PLA2G4C: variants seen among roughly 807,000 people sequenced by gnomAD.
PLA2G4C encodes cytosolic phospholipase A2 gamma.
Under a neutral mutation model 73.8 loss-of-function variants are expected in PLA2G4C, and 64 were observed. That is an observed-to-expected ratio of 0.87 (90% CI 0.71 to 1.07). PLA2G4C has a LOEUF of 1.07. PLA2G4C is among the 50% of genes least tolerant of loss of function. The probability of loss-of-function intolerance (pLI) is 0.00; values close to 1 mark genes in which losing one functional copy is unlikely to be tolerated. For missense variants in PLA2G4C, 622 were observed against 665.4 expected (o/e 0.93, Z 0.72); for synonymous variants, 254 against 252.1 (o/e 1.01, Z -0.07).
chr19:48,098,618 C>A (rs750970109), intron 5 of PLA2G4C, among the ~76,000 whole-genome samples: 6 of 147,352 alleles, frequency 4.1e-5, no homozygotes, highest in Non-Finnish European at 8.9e-5. Context: ...GTGGCTCATA[C>A]CCATAATCCC....
chr19:48,106,228 G>A (rs2032231294), intron 2 of PLA2G4C, among the ~76,000 whole-genome samples: 1 of 151,224 alleles, frequency 6.6e-6, no homozygotes, highest in African/African-American at 2.4e-5. Context: ...GACTACAGGT[G>A]TGTACCACTA....
intron 16 of PLA2G4C, among the ~76,000 whole-genome samples, chr19:48,050,211 T>TGG (rs1568418265): frequency 7.2e-5 from 11 of 151,938 alleles, no homozygotes; most frequent in Non-Finnish European, 1.0e-4. Flanking sequence ...TGAACCACCA[T>TGG]GCCCGGCCTC....
At chr19:48,062,295 T>G (rs1424691111) in intron 13 of PLA2G4C, 143 bp from the exon 14 acceptor site, 28 of 633,496 alleles carry the variant, frequency 4.4e-5, no homozygotes, top group South Asian at 3.3e-4. Context: ...GGAGCTGACT[T>G]CTCTCTCTTC....
At chr19:48,091,909 AT>A (rs59457422) in intron 7 of PLA2G4C, among the ~76,000 whole-genome samples, 8,426 of 63,068 alleles carry the variant, frequency 0.13, 1,771 homozygotes, top group East Asian at 0.27. Context: ...AAAAAAAAAA[AT>A]AGACACACCC....
At chr19:48,066,970 C>CACAT (rs1968451377) in intron 13 of PLA2G4C, among the ~76,000 whole-genome samples, 1 of 151,650 alleles carries the variant, frequency 6.6e-6, no homozygotes, top group African/African-American at 2.4e-5. Flanking sequence ...CACACACACA[C>CACAT]ACACACACAC....
chr19:48,057,783 C>G (rs895549819), intron 14 of PLA2G4C, among the ~76,000 whole-genome samples: 35 of 151,152 alleles, frequency 2.3e-4, no homozygotes, highest in Non-Finnish European at 4.9e-4. Context: ...AGCCACCGCA[C>G]CCGGCTTCTT....
At chr19:48,084,467 C>A (rs1434126943) in intron 10 of PLA2G4C, among the ~76,000 whole-genome samples, 2 of 152,168 alleles carry the variant, frequency 1.3e-5, no homozygotes, top group African/African-American at 4.8e-5. Flanking sequence ...CACAAGGTCT[C>A]CTTGTCTGTT....
chr19:48,078,445 T>G (rs2030314676), intron 10 of PLA2G4C, among the ~76,000 whole-genome samples: 1 of 152,170 alleles, frequency 6.6e-6, no homozygotes, highest in Admixed American at 6.6e-5. Context: ...TCACTGATGA[T>G]ATGATTGTAC....
intron 7 of PLA2G4C, 53 bp downstream of exon 7, chr19:48,095,411 G>T (rs541816387): frequency 6.4e-7 from 1 of 1,562,170 alleles, no homozygotes; most frequent in African/African-American, 1.4e-5. Context: ...GAAAATTCTT[G>T]CCTCTCCTCC....
In PLA2G4C at chr19:48,048,360, T is replaced by C; in HGVS notation, c.1609A>G (p.Ser537Gly). Residue 537 changes from serine (S) to glycine (G), a missense_variant, in exon 17 of 17, where the codon AGT becomes GGT. By Grantham distance (56) the Ser-to-Gly change is moderately conservative. Coordinates refer to ENST00000599921, the MANE Select transcript of PLA2G4C (RefSeq NM_003706.3). The stretch of plus-strand genomic sequence containing the variant: ...AGGCTCATCTATGCCAAGCAGCAAC[T>C]TCGGGCACTATCCTTCGGGTAGTAG... ...GLYYPKDSARSCCLA is the reference protein window; with the variant it reads ...GLYYPKDSARGCCLA The C allele has an allele frequency of 6.3e-7, 1 of 1,598,170 alleles. No homozygotes were observed. Among genetic ancestry groups the C allele is most frequent in the South Asian group, 1.1e-5 (1 of 88,120 alleles).
At position 48,100,584 on chromosome 19, in the gene PLA2G4C, G is replaced by A. The variant is rs1396155412; in HGVS notation, c.258-724C>T. 5.7e-3 allele frequency among the ~76,000 whole-genome samples: 565 copies of A among 99,154 alleles called. No homozygotes were observed. The Middle Eastern group carries it at 0.073, about 13-fold the overall frequency. 65.0% of individuals were successfully genotyped at this position (99,154 alleles called of 152,430 possible). A position where few individuals can be genotyped will look rare whatever the true frequency, so the allele number is the denominator to read the frequency against. The stretch of plus-strand genomic sequence containing the variant: ...TGTGCCACTGCACTCCAGCCTGGGC[G>A]ACAGAGCGTGACTCCATCTAAAAAA... On this transcript the variant is annotated intron_variant, in intron 4 of 16. Transcript: ENST00000599921.
chr19:48,105,841 TC>T (rs2032163440), intron 2 of PLA2G4C, among the ~76,000 whole-genome samples: 2 of 31,318 alleles, frequency 6.4e-5, no homozygotes, highest in African/African-American at 2.8e-4. Context: ...CTCCCTCCCT[TC>T]CTTCCATCCT....
Position 48,054,948 on chromosome 19 carries a change from G to A in PLA2G4C, c.1359C>T (p.Cys453=), listed in dbSNP as rs780704467. The change falls in exon 15 of 17, where the codon TGC becomes TGT. Residue 453 remains cysteine (C), a synonymous_variant. Coordinates refer to ENST00000599921, the MANE Select transcript of PLA2G4C (RefSeq NM_003706.3). ...LDLWSKAPAS[C]YILKGETGPV... ...GTCCAGTTTCTCCTTTCAGGATGTA[G>A]CAGCTGGCGGGGGCCTTGGACCACA... 4.3e-6 allele frequency: 7 copies of A among 1,613,852 alleles called. No homozygotes were observed. The Admixed American group carries it at 1.0e-4, about 23-fold the overall frequency.
At chr19:48,078,201 T>C (rs1314112529) in intron 10 of PLA2G4C, among the ~76,000 whole-genome samples, 1 of 152,168 alleles carries the variant, frequency 6.6e-6, no homozygotes, top group African/African-American at 2.4e-5. Flanking sequence ...AAAATCGGTA[T>C]ACAAGAGACA....
chr19:48,092,259 G>A (rs1367227204), intron 7 of PLA2G4C, among the ~76,000 whole-genome samples: 1 of 152,060 alleles, frequency 6.6e-6, no homozygotes, highest in Non-Finnish European at 1.5e-5. Flanking sequence ...ATGTTGGTCA[G>A]GCTGGTCTCC....
chr19:48,069,376 A>T (rs1190783963), intron 12 of PLA2G4C, among the ~76,000 whole-genome samples: 1 of 152,138 alleles, frequency 6.6e-6, no homozygotes, highest in African/African-American at 2.4e-5. Context: ...CAAAATGCCC[A>T]GCACACTTTC....
In PLA2G4C at chr19:48,110,793, C is replaced by T. The variant is rs1393001475; in HGVS notation, c.-339G>A. On this transcript the variant is annotated 5_prime_UTR_variant, in exon 1 of 17. Transcript: ENST00000599921. Reference sequence around the variant, plus strand: ...AGCCCTCCTCGGCTTGTAGGCCCTGCTTGGTTGCTCCAGCTTTTTCAGCTG... The same window carrying T: ...AGCCCTCCTCGGCTTGTAGGCCCTGTTTGGTTGCTCCAGCTTTTTCAGCTG... 5.4e-6 allele frequency: 2 copies of T among 372,082 alleles called. No homozygotes were observed. The highest frequency in any genetic ancestry group is 9.5e-6 in the Non-Finnish European group (2 of 209,504). 23.0% of individuals were successfully genotyped at this position (372,082 alleles called of 1,614,324 possible). A position where few individuals can be genotyped will look rare whatever the true frequency, so the allele number is the denominator to read the frequency against.
intron 2 of PLA2G4C, among the ~76,000 whole-genome samples, chr19:48,105,779 G>C (rs924046710): frequency 2.1e-4 from 26 of 124,620 alleles, no homozygotes; most frequent in Non-Finnish European, 3.5e-4. Context: ...GGCCAACATG[G>C]TGACATACCT....
intron 12 of PLA2G4C, among the ~76,000 whole-genome samples, chr19:48,074,154 G>T (rs550042987): frequency 2.0e-5 from 3 of 151,740 alleles, no homozygotes; most frequent in Non-Finnish European, 4.4e-5. Flanking sequence ...CCCCCAACAG[G>T]CCCCAGTGTG....
Sources: allele counts gnomAD v4.1 joint callset (sites outside exome capture counted in the v4.1 genomes callset), GRCh38; gene constraint gnomAD v4.1.1; transcripts MANE v1.5; gene names NCBI Gene and HGNC (gene_info 2026-07-23, HGNC 2026-07-21).